The following PUDP variants were observed in gnomAD, a reference collection of about 807,000 sequenced individuals.
PUDP encodes the protein pseudouridine 5'-phosphatase.
Under a neutral mutation model 9.4 loss-of-function variants are expected in PUDP, and 8 were observed. The ratio of observed to expected loss-of-function variants is 0.85; its 90% CI spans 0.50 to 1.53. The LOEUF (loss-of-function observed/expected upper bound fraction) is 1.53. Among genes scored for constraint, PUDP ranks in the 40% most tolerant of loss-of-function variants. PUDP has a pLI of 0.00. For synonymous variants in PUDP, 99 were observed against 80.7 expected (o/e 1.23, Z -1.22); for missense variants, 188 against 189.7 (o/e 0.99, Z 0.05).
chrX:6,902,354 T>TGG (rs1927703047), intron 3 of PUDP, among the ~76,000 whole-genome samples: 1 of 112,113 alleles, frequency 8.9e-6, no homozygotes, highest in African/African-American at 3.2e-5. Flanking sequence ...CACTTTGGGC[T>TGG]GGGCAATTCC....
intron 3 of PUDP, among the ~76,000 whole-genome samples, chrX:6,732,323 G>A (rs1321967837): frequency 9.0e-6 from 1 of 110,555 alleles, no homozygotes; most frequent in Non-Finnish European, 1.9e-5. Context: ...TCATTTGTCT[G>A]TAGGTTTAGA....
intron 3 of PUDP, among the ~76,000 whole-genome samples, chrX:6,775,258 T>C (rs776625469): frequency 1.8e-4 from 20 of 112,249 alleles, no homozygotes; most frequent in African/African-American, 6.1e-4. Flanking sequence ...TAATCTATAT[T>C]GTAGTATACA....
chrX:6,741,806 A>ATCTC (rs745363071), intron 3 of PUDP, among the ~76,000 whole-genome samples: 85 of 100,994 alleles, frequency 8.4e-4, no homozygotes, highest in East Asian at 1.2e-3. Context: ...CTCTTTTTAA[A>ATCTC]TCTCTCTCTC....
chrX:6,710,609 C>T lies in PUDP; in HGVS notation n.129-4143G>A, dbSNP rs1924520448. 2.7e-5 allele frequency among the ~76,000 whole-genome samples: 3 copies of T among 111,682 alleles called. No homozygotes were observed. The Admixed American group carries it at 2.9e-4, about 11-fold the overall frequency. On this transcript the variant is annotated intron_variant and non_coding_transcript_variant, in intron 1 of 2. Transcript: ENST00000438499. ...TTGGCAGTGTCATTATTATTAAATG[C>T]AACTAAATGAACTATTAACACCATC...
chrX:6,939,970 C>A (rs1928376280), intron 3 of PUDP, among the ~76,000 whole-genome samples: 1 of 112,568 alleles, frequency 8.9e-6, no homozygotes, highest in South Asian at 3.7e-4. Context: ...TGCATATGAT[C>A]ATTTGTGTTT....
chrX:7,082,546 A>C (rs1246559417), intron 2 of PUDP, among the ~76,000 whole-genome samples: 1 of 112,226 alleles, frequency 8.9e-6, no homozygotes, highest in Non-Finnish European at 1.9e-5. Flanking sequence ...TGTGCCGAGA[A>C]CCATGTCCTG....
chrX:6,899,308 G>A (rs955827385), intron 3 of PUDP, among the ~76,000 whole-genome samples: 8 of 112,870 alleles, frequency 7.1e-5, no homozygotes, highest in African/African-American at 2.6e-4. Context: ...TGTGGGCCGG[G>A]TGCACTGGCT....
At chrX:6,768,812 T>G (rs1051432346) in intron 3 of PUDP, among the ~76,000 whole-genome samples, 7 of 111,727 alleles carry the variant, frequency 6.3e-5, no homozygotes, top group Non-Finnish European at 1.3e-4. Context: ...TAAACAGTTT[T>G]CAGCAAGAAG....
chrX:6,749,315 A>G (rs1925037890), intron 3 of PUDP, among the ~76,000 whole-genome samples: 1 of 111,656 alleles, frequency 9.0e-6, no homozygotes, highest in African/African-American at 3.3e-5. Flanking sequence ...AGAGCAGTAA[A>G]GTCATGAATT....
At chrX:6,978,533 G>T (rs1928987400) in intron 1 of PUDP, among the ~76,000 whole-genome samples, 1 of 112,042 alleles carries the variant, frequency 8.9e-6, no homozygotes, top group Non-Finnish European at 1.9e-5. Context: ...TGAGAAAAGA[G>T]CAATAGTTGA....
At chrX:6,764,777 G>A (rs1267459435) in intron 3 of PUDP, among the ~76,000 whole-genome samples, 1 of 111,336 alleles carries the variant, frequency 9.0e-6, no homozygotes, top group African/African-American at 3.3e-5. Context: ...GGGCATCTGT[G>A]GTAGGAGGTA....
intron 1 of PUDP, among the ~76,000 whole-genome samples, chrX:7,027,522 T>C (rs182828668): frequency 9.6e-6 from 1 of 104,388 alleles, no homozygotes; most frequent in Admixed American, 1.1e-4. Flanking sequence ...AGAGAATATA[T>C]ATATATTCAC....
chrX:7,106,060 G>A (rs748688913), intron 1 of PUDP, among the ~76,000 whole-genome samples: 2 of 112,124 alleles, frequency 1.8e-5, no homozygotes, highest in Admixed American at 9.4e-5. Context: ...GTTGTGATCT[G>A]GAAATTCAGA....
chrX:6,772,867 T>C (rs1483220510), intron 3 of PUDP, among the ~76,000 whole-genome samples: 2 of 110,960 alleles, frequency 1.8e-5, no homozygotes, highest in African/African-American at 6.6e-5. Flanking sequence ...CCAGCTGGGG[T>C]GACAGAGTGG....
intron 1 of PUDP, among the ~76,000 whole-genome samples, chrX:7,018,091 T>G (rs1373157810): frequency 1.8e-5 from 2 of 111,788 alleles, no homozygotes; most frequent in Non-Finnish European, 3.8e-5. Flanking sequence ...AGGGGAGGCA[T>G]GAATAATCCA....
chrX:7,140,842 G>A (rs1352489161), intron 1 of PUDP, among the ~76,000 whole-genome samples: 16 of 112,202 alleles, frequency 1.4e-4, no homozygotes, highest in African/African-American at 4.9e-4. Flanking sequence ...CTCACGTGAC[G>A]TGTCTGTGTC....
intron 3 of PUDP, among the ~76,000 whole-genome samples, chrX:6,930,144 G>C (rs192419680): frequency 3.0e-4 from 33 of 110,797 alleles, no homozygotes; most frequent in Middle Eastern, 9.3e-3. Context: ...AGACAAGGTG[G>C]GGGGGTGTTG....
rs751497295 is a variant in PUDP, at chrX:6,817,078, G to GTA, written c.*248-110614_*248-110613dup. Among the ~76,000 whole-genome samples the GTA allele has an allele frequency of 3.7e-4, 38 of 102,607 alleles. No individual in the cohort carries two copies. In the South Asian group the frequency reaches 7.8e-3, roughly 21 times the overall value. The allele number at this position is 102,607 out of a possible 115,157, so 89.1% of individuals were successfully genotyped here. On this transcript the variant is annotated intron_variant and NMD_transcript_variant, in intron 3 of 3. Transcript: ENST00000655425. ...ACTATATAGTATATACTATGTGTGT[G>GTA]TATATATATATATTTTGAGATAGTA...
intron 1 of PUDP, among the ~76,000 whole-genome samples, chrX:7,129,076 C>T (rs1932554730): frequency 9.0e-6 from 1 of 111,668 alleles, no homozygotes; most frequent in African/African-American, 3.3e-5. Flanking sequence ...AGGAAAGGAC[C>T]GAGTACCCTT....
Sources: gnomAD v4.1 joint callset for allele counts (sites outside exome capture counted in the v4.1 genomes callset) on GRCh38, gnomAD v4.1.1 for gene constraint, MANE v1.5 for transcripts, NCBI Gene and HGNC (gene_info 2026-07-23, HGNC 2026-07-21) for gene names.